Variants in RTN4RL1 observed in about 807,000 individuals in gnomAD.
RTN4RL1 encodes the protein reticulon-4 receptor-like 1.
RTN4RL1 carries 7 observed loss-of-function variants against 25.6 expected under a neutral mutation model. That is an observed-to-expected ratio of 0.27 (90% CI 0.16 to 0.51). The LOEUF (loss-of-function observed/expected upper bound fraction) is 0.51, where lower values mean the gene tolerates loss of function less well. Ranked by LOEUF, RTN4RL1 falls within the 20% of genes least tolerant of loss-of-function variation. RTN4RL1 has a pLI of 0.97. For missense variants in RTN4RL1, 500 were observed against 615.6 expected, an observed-to-expected ratio of 0.81 and a Z score of 1.99; for synonymous variants, 297 against 288.2, an observed-to-expected ratio of 1.03 and a Z score of -0.31.
rs78252413 is a variant in RTN4RL1, at chr17:1,996,955, C to T, written c.13+27898G>A. On this transcript the variant is annotated intron_variant, in intron 1 of 1. Coordinates refer to ENST00000331238, the MANE Select transcript of RTN4RL1 (RefSeq NM_178568.4). ...GCTGCAGATGTGTAAATGGCCACTT[C>T]AGTCATAACCCAAGCCAGGCAGGGG... Among the ~76,000 whole-genome samples the T allele has an allele frequency of 4.1e-3, 631 of 152,320 alleles. 4 individuals are homozygous for T. Among genetic ancestry groups the T allele is most frequent in the Middle Eastern group, 6.8e-3 (2 of 294 alleles).
intron 1 of RTN4RL1, among the ~76,000 whole-genome samples, chr17:1,947,736 C>G (rs567393827): frequency 6.6e-6 from 1 of 152,362 alleles, no homozygotes; most frequent in South Asian, 2.1e-4. Flanking sequence ...GGTCTCCGGT[C>G]TCCTTGCTGT....
intron 1 of RTN4RL1, among the ~76,000 whole-genome samples, chr17:1,949,906 C>A (rs901855862): frequency 2.6e-5 from 4 of 152,242 alleles, no homozygotes; most frequent in African/African-American, 9.6e-5. Flanking sequence ...TAAGAAGGAG[C>A]TGAGGAACAG....
rs149804883 is a variant in RTN4RL1 at position 1,944,746 on chromosome 17, C to T, written c.14-6938G>A. On this transcript the variant is annotated intron_variant, in intron 1 of 1. Transcript: ENST00000331238. ...TGCTGGGATTACAGGCATGAGCCAC[C>T]GTGCCCGGCCAACTTCAAAATGTAT... Among the ~76,000 whole-genome samples the T allele has an allele frequency of 2.1e-3, 319 of 152,232 alleles. 1 individual carries two copies. The highest frequency in any genetic ancestry group is 3.3e-3 in the Non-Finnish European group (226 of 68,022).
chr17:1,961,090 C>G (rs972662785), intron 1 of RTN4RL1, among the ~76,000 whole-genome samples: 5 of 152,210 alleles, frequency 3.3e-5, no homozygotes, highest in Admixed American at 2.6e-4. Flanking sequence ...ATCCCCATCC[C>G]CGGGACAGGG....
chr17:1,993,233 G>A (rs2066917024), intron 1 of RTN4RL1, among the ~76,000 whole-genome samples: 1 of 152,120 alleles, frequency 6.6e-6, no homozygotes, highest in Non-Finnish European at 1.5e-5. Flanking sequence ...GGGTGACAGA[G>A]CGAAACTCTG....
At chr17:1,960,485 A>C (rs1567509943) in intron 1 of RTN4RL1, among the ~76,000 whole-genome samples, 4 of 152,076 alleles carry the variant, frequency 2.6e-5, no homozygotes, top group African/African-American at 7.2e-5. Context: ...CGCTAGCTGC[A>C]CTGGCCTCTG....
chr17:2,021,549 AC>A (rs1232258979), intron 1 of RTN4RL1, among the ~76,000 whole-genome samples: 12 of 120,026 alleles, frequency 1.0e-4, no homozygotes, highest in Non-Finnish European at 1.4e-4. Context: ...CACATCCTAT[AC>A]CTTTTTTTTT....
chr17:1,948,434 A>T (rs945814816), intron 1 of RTN4RL1, among the ~76,000 whole-genome samples: 16 of 152,228 alleles, frequency 1.1e-4, no homozygotes, highest in African/African-American at 3.6e-4. Flanking sequence ...TGCCCTTCCC[A>T]GGAGGTTTCA....
chr17:1,974,040 G>GAAAAAAAA (rs57063033), intron 1 of RTN4RL1, among the ~76,000 whole-genome samples: 11 of 97,034 alleles, frequency 1.1e-4, no homozygotes, highest in African/African-American at 4.4e-4. Context: ...CTCCGTCTCA[G>GAAAAAAAA]AAAAAAAAAA....
intron 1 of RTN4RL1, among the ~76,000 whole-genome samples, chr17:1,962,510 C>G (rs1033327947): frequency 1.3e-5 from 2 of 151,894 alleles, no homozygotes; most frequent in Non-Finnish European, 2.9e-5. Context: ...AGGTGCTCGC[C>G]ATCACGCCTG....
chr17:2,005,739 T>TTCTCTCTCTCTC (rs61209329), intron 1 of RTN4RL1, among the ~76,000 whole-genome samples: 18 of 145,128 alleles, frequency 1.2e-4, no homozygotes, highest in Admixed American at 2.1e-4. Flanking sequence ...CTCTCTCTCT[T>TTCTCTCTCTCTC]TCTCTCTCTC....
chr17:1,982,386 G>T (rs1400568984), intron 1 of RTN4RL1, among the ~76,000 whole-genome samples: 3 of 152,178 alleles, frequency 2.0e-5, no homozygotes, highest in African/African-American at 4.8e-5. Context: ...ACCGAGGCGG[G>T]CGGACCACGA....
intron 1 of RTN4RL1, among the ~76,000 whole-genome samples, chr17:1,974,698 G>A: frequency 6.6e-6 from 1 of 151,284 alleles, no homozygotes; most frequent in Non-Finnish European, 1.5e-5. Flanking sequence ...TTTGGTCAGG[G>A]GCAGTGCCAG....
intron 1 of RTN4RL1, among the ~76,000 whole-genome samples, chr17:1,993,551 C>T (rs1048864350): frequency 1.3e-5 from 2 of 152,098 alleles, no homozygotes. Flanking sequence ...TTTTTACAGA[C>T]CTGCTTTATT....
chr17:1,966,037 T>G (rs2066789661), intron 1 of RTN4RL1, among the ~76,000 whole-genome samples: 1 of 152,168 alleles, frequency 6.6e-6, no homozygotes. Context: ...CGAGCGGCTC[T>G]GGAGCTAAGG....
intron 1 of RTN4RL1, among the ~76,000 whole-genome samples, chr17:1,982,524 A>G (rs2066871675): frequency 6.6e-6 from 1 of 150,510 alleles, no homozygotes; most frequent in African/African-American, 2.5e-5. Context: ...CCAAGGCAGG[A>G]GAATGGCATG....
chr17:1,938,718 G>A (rs544542115), intron 1 of RTN4RL1, among the ~76,000 whole-genome samples: 5 of 151,874 alleles, frequency 3.3e-5, no homozygotes, highest in South Asian at 4.2e-4. Flanking sequence ...CAAAACATAC[G>A]GGCAACACCC....
intron 1 of RTN4RL1, among the ~76,000 whole-genome samples, chr17:1,979,562 C>A (rs1567515532): frequency 6.6e-6 from 1 of 152,072 alleles, no homozygotes; most frequent in Non-Finnish European, 1.5e-5. Flanking sequence ...CAAGGCTTTG[C>A]CTAACTGCCC....
intron 1 of RTN4RL1, among the ~76,000 whole-genome samples, chr17:1,951,335 A>G (rs1449133627): frequency 1.3e-5 from 2 of 152,142 alleles, no homozygotes; most frequent in African/African-American, 4.8e-5. Context: ...TCGCGACACA[A>G]TGCTTTTGTG....
Sources: allele counts gnomAD v4.1 joint callset (sites outside exome capture counted in the v4.1 genomes callset), GRCh38; gene constraint gnomAD v4.1.1; transcripts MANE v1.5; gene names NCBI Gene and HGNC (gene_info 2026-07-23, HGNC 2026-07-21).